Variants in SLC25A24 observed in about 807,000 individuals in gnomAD.
The protein encoded by SLC25A24 is solute carrier family 25 member 24, also known as mitochondrial adenyl nucleotide antiporter SLC25A24.
Under a neutral mutation model 60.7 loss-of-function variants are expected in SLC25A24, and 49 were observed. The ratio of observed to expected loss-of-function variants is 0.81; its 90% CI spans 0.64 to 1.02. SLC25A24 has a LOEUF of 1.02. Ranked by LOEUF, SLC25A24 falls within the 50% of genes least tolerant of loss-of-function variation. The pLI is 0.00. For missense variants in SLC25A24, 564 were observed against 586.3 expected (o/e 0.96, Z 0.39); for synonymous variants, 202 against 200.6 (o/e 1.01, Z -0.06).
chr1:108,160,143 GCTC>G (rs1239828762), intron 4 of SLC25A24, among the ~76,000 whole-genome samples: 1 of 151,526 alleles, frequency 6.6e-6, no homozygotes, highest in Non-Finnish European at 1.5e-5. Flanking sequence ...GGGCGGAGAC[GCTC>G]CTCACTTCCC....
intron 1 of SLC25A24, among the ~76,000 whole-genome samples, chr1:108,194,587 G>A (rs74112062): frequency 0.013 from 1,213 of 93,926 alleles, 129 homozygotes; most frequent in African/African-American, 0.034. Context: ...ATAAAAGGCA[G>A]GTAGTTTTGT....
intron 6 of SLC25A24, among the ~76,000 whole-genome samples, chr1:108,151,961 T>C (rs1233729806): frequency 6.6e-6 from 1 of 152,202 alleles, no homozygotes; most frequent in East Asian, 1.9e-4. Context: ...GTTCATTCCC[T>C]TCTCCATTCC....
intron 7 of SLC25A24, among the ~76,000 whole-genome samples, chr1:108,144,501 T>G (rs1273701504): frequency 6.6e-6 from 1 of 152,212 alleles, no homozygotes; most frequent in Admixed American, 6.5e-5. Flanking sequence ...TACATAGGTA[T>G]ACACGTGCCA....
At chr1:108,172,908 C>T (rs577147108) in intron 3 of SLC25A24, among the ~76,000 whole-genome samples, 27 of 151,792 alleles carry the variant, frequency 1.8e-4, no homozygotes, top group Non-Finnish European at 3.4e-4. Flanking sequence ...AGTATAAACA[C>T]TAGTAATAAT....
chr1:108,168,351 T>C (rs1049890141), intron 3 of SLC25A24, among the ~76,000 whole-genome samples: 1 of 152,324 alleles, frequency 6.6e-6, no homozygotes, highest in East Asian at 1.9e-4. Flanking sequence ...TTTAATGTAA[T>C]TGTTGTTTGA....
intron 6 of SLC25A24, among the ~76,000 whole-genome samples, chr1:108,151,268 A>G (rs1176364465): frequency 3.3e-5 from 5 of 151,936 alleles, no homozygotes; most frequent in Non-Finnish European, 5.9e-5. Flanking sequence ...TCCACCCAAC[A>G]TCTTTCTTAT....
At chr1:108,163,355 G>T (rs1680144829) in intron 3 of SLC25A24, among the ~76,000 whole-genome samples, 1 of 147,706 alleles carries the variant, frequency 6.8e-6, no homozygotes, top group Non-Finnish European at 1.5e-5. Context: ...GCTTGATGGG[G>T]ATGGCATTGA....
intron 3 of SLC25A24, among the ~76,000 whole-genome samples, chr1:108,163,824 C>T (rs1164116577): frequency 1.3e-5 from 2 of 152,138 alleles, no homozygotes; most frequent in Non-Finnish European, 2.9e-5. Flanking sequence ...ACTTCCAACA[C>T]TATGTCGAAT....
At chr1:108,167,434 A>G (rs958674383) in intron 3 of SLC25A24, among the ~76,000 whole-genome samples, 3 of 152,172 alleles carry the variant, frequency 2.0e-5, no homozygotes, top group African/African-American at 7.2e-5. Context: ...TGTGCTAGCA[A>G]TCAGCGAGAC....
At chr1:108,186,722 T>C (rs1394601349) in intron 1 of SLC25A24, among the ~76,000 whole-genome samples, 3 of 152,156 alleles carry the variant, frequency 2.0e-5, no homozygotes, top group Non-Finnish European at 4.4e-5. Flanking sequence ...ATGACACTCA[T>C]AGTCACCCAC....
At chr1:108,185,363 A>T (rs991825463) in intron 2 of SLC25A24, among the ~76,000 whole-genome samples, 1 of 152,182 alleles carries the variant, frequency 6.6e-6, no homozygotes, top group African/African-American at 2.4e-5. Context: ...AGGATCAGAG[A>T]TATCTTCTCT....
chr1:108,164,040 T>C (rs536449180), intron 3 of SLC25A24, among the ~76,000 whole-genome samples: 192 of 152,356 alleles, frequency 1.3e-3, no homozygotes, highest in Middle Eastern at 3.4e-3. Context: ...TCTGCATCTA[T>C]TGAGATAATC....
intron 5 of SLC25A24, 24 bp from the exon 6 acceptor site, chr1:108,155,159 T>C (rs376441576): frequency 9.4e-6 from 15 of 1,599,830 alleles, no homozygotes; most frequent in African/African-American, 1.3e-5. Context: ...CAGAATGATA[T>C]AAAATGCTGG....
intron 3 of SLC25A24, among the ~76,000 whole-genome samples, chr1:108,174,663 C>A (rs1164211736): frequency 1.3e-5 from 2 of 152,110 alleles, no homozygotes; most frequent in Non-Finnish European, 2.9e-5. Flanking sequence ...AAGCCACAGA[C>A]ACTCAACGCC....
chr1:108,192,139 A>G lies in SLC25A24; in HGVS notation c.184-6185T>C, dbSNP rs537413105. On this transcript the variant is annotated intron_variant, in intron 1 of 9. Transcript: ENST00000565488. ...CAAATACACGTAGAGTGATTATTCC[A>G]GTTCTCTGAACTGGGGAGGGCGCAT... Among the ~76,000 whole-genome samples, 94 of 138,294 alleles carry G rather than the reference A, an allele frequency of 6.8e-4. 6 individuals carry two copies. The highest frequency in any genetic ancestry group is 2.3e-3 in the African/African-American group (93 of 39,928). 90.7% of individuals were successfully genotyped at this position (138,294 alleles called of 152,430 possible). A position where few individuals can be genotyped will look rare whatever the true frequency, so the allele number is the denominator to read the frequency against.
chr1:108,166,040 C>G (rs944515108), intron 3 of SLC25A24, among the ~76,000 whole-genome samples: 1 of 151,978 alleles, frequency 6.6e-6, no homozygotes, highest in Non-Finnish European at 1.5e-5. Context: ...TTTTATTTCT[C>G]CTTCACTTAT....
Position 108,161,215 on chromosome 1 carries a change from A to G in SLC25A24, c.477T>C (p.Ile159=). The part of the protein sequence containing the change: ...DYFLFNPVTD[I]EEIIRFWKHS... ...GTTTCCAGAAACGGATAATTTCCTC[A>G]ATGTCTGTAACAGGATTAAATAAGA... Residue 159 remains isoleucine (I), a synonymous_variant, in exon 4 of 10, where the codon ATT becomes ATC. Coordinates refer to ENST00000565488, the MANE Select transcript of SLC25A24 (RefSeq NM_013386.5). 2 of 1,590,852 alleles carry G rather than the reference A, an allele frequency of 1.3e-6. No individual in the cohort carries two copies. Among genetic ancestry groups the G allele is most frequent in the African/African-American group, 1.3e-5 (1 of 74,570 alleles).
chr1:108,194,972 A>G (rs1648448192), intron 1 of SLC25A24, among the ~76,000 whole-genome samples: 1 of 152,210 alleles, frequency 6.6e-6, no homozygotes, highest in South Asian at 2.1e-4. Context: ...TACATCCACT[A>G]AAACAGTTAA....
intron 2 of SLC25A24, among the ~76,000 whole-genome samples, chr1:108,184,841 T>A (rs1027684683): frequency 5.3e-5 from 8 of 152,188 alleles, no homozygotes; most frequent in Non-Finnish European, 1.0e-4. Flanking sequence ...TTCCTCTCAA[T>A]CTATTTGTTT....
Sources: allele counts gnomAD v4.1 joint callset (sites outside exome capture counted in the v4.1 genomes callset), GRCh38; gene constraint gnomAD v4.1.1; transcripts MANE v1.5; gene names NCBI Gene and HGNC (gene_info 2026-07-23, HGNC 2026-07-21).